The following GSE1 variants were observed in gnomAD, a reference collection of about 807,000 sequenced individuals.
GSE1 encodes Gse1 coiled-coil protein.
GSE1 carries 32 observed loss-of-function variants against 112.6 expected under a neutral mutation model. That is an observed-to-expected ratio of 0.28 (90% CI 0.21 to 0.38). The LOEUF (loss-of-function observed/expected upper bound fraction) is 0.38, where lower values mean the gene tolerates loss of function less well. Among genes scored for constraint, GSE1 ranks in the 10% least tolerant of loss-of-function variants. The pLI, the probability that GSE1 is intolerant of heterozygous loss-of-function variation, is 1.00. For missense variants in GSE1, 2,348 were observed against 1,699.2 expected (o/e 1.38, Z -6.71); for synonymous variants, 1,115 against 735.6 (o/e 1.52, Z -8.35).
At chr16:85,399,354 G>A (rs1357819352) in intron 2 of GSE1, among the ~76,000 whole-genome samples, 1 of 152,108 alleles carries the variant, frequency 6.6e-6, no homozygotes, top group Admixed American at 6.5e-5. Context: ...CTTCCGGGGG[G>A]GTTCAGTCCA....
At chr16:85,185,104 T>C (rs1353356428) in intron 1 of GSE1, 1 of 152,272 alleles carries the variant, frequency 6.6e-6, no homozygotes, top group African/African-American at 2.4e-5. Context: ...CATTCGTGGT[T>C]GTTTTGTCTT....
Position 85,455,404 on chromosome 16 carries a change from A to AG in GSE1, c.2464+97761_2464+97762insG, listed in dbSNP as rs376504077. Among the ~76,000 whole-genome samples the AG allele has an allele frequency of 7.6e-3, 1,157 of 151,752 alleles. 13 individuals are homozygous for AG. Among genetic ancestry groups the AG allele is most frequent in the African/African-American group, 0.027 (1,104 of 41,220 alleles). ...AAAAGAGAGAGAGAGAGAGAGAGAGAAAGAAAGAAAAGAAAAGAAAAGAAA... is the reference window on the plus strand; with the variant it reads ...AAAAGAGAGAGAGAGAGAGAGAGAGAGAAGAAAGAAAAGAAAAGAAAAGAAA... On this transcript the variant is annotated intron_variant, in intron 2 of 2. Coordinates refer to the GSE1 transcript ENST00000637419.
intron 12 of GSE1, among the ~76,000 whole-genome samples, chr16:85,665,497 C>T (rs1433255250): frequency 6.6e-6 from 1 of 152,248 alleles, no homozygotes; most frequent in Admixed American, 6.5e-5. Context: ...CCTGGTCCTG[C>T]CACTAGCCTA....
chr16:85,627,649 G>A (rs1215401399), intron 1 of GSE1, among the ~76,000 whole-genome samples: 1 of 152,142 alleles, frequency 6.6e-6, no homozygotes, highest in East Asian at 1.9e-4. Flanking sequence ...AAGAGAGCTT[G>A]TACAGTGCGG....
At chr16:85,280,684 C>T (rs2044831627) in intron 1 of GSE1, among the ~76,000 whole-genome samples, 1 of 152,222 alleles carries the variant, frequency 6.6e-6, no homozygotes, top group Non-Finnish European at 1.5e-5. Context: ...GCGTGAGCCA[C>T]AGCACCCGGC....
chr16:85,258,683 G>T (rs893283531), intron 1 of GSE1, among the ~76,000 whole-genome samples: 12 of 152,196 alleles, frequency 7.9e-5, no homozygotes, highest in African/African-American at 2.9e-4. Context: ...GCCTGGAGGG[G>T]TTCCCAGATG....
At chr16:85,247,207 T>C (rs1905952800) in intron 1 of GSE1, among the ~76,000 whole-genome samples, 1 of 152,198 alleles carries the variant, frequency 6.6e-6, no homozygotes, top group Non-Finnish European at 1.5e-5. Flanking sequence ...ACGGGCTGGA[T>C]GCTCTGAATG....
At chr16:85,472,596 G>A (rs2050328949) in intron 2 of GSE1, among the ~76,000 whole-genome samples, 1 of 152,220 alleles carries the variant, frequency 6.6e-6, no homozygotes, top group Admixed American at 6.5e-5. Flanking sequence ...CATTATGGGA[G>A]GCATAGCGCA....
chr16:85,309,786 G>A (rs1427081758), intron 1 of GSE1, among the ~76,000 whole-genome samples: 4 of 152,248 alleles, frequency 2.6e-5, no homozygotes, highest in African/African-American at 9.6e-5. Flanking sequence ...GGGCCGGCTG[G>A]CGGCCTGGGG....
intron 2 of GSE1, among the ~76,000 whole-genome samples, chr16:85,377,798 G>A (rs539217180): frequency 1.3e-5 from 2 of 152,332 alleles, no homozygotes; most frequent in African/African-American, 4.8e-5. Flanking sequence ...GGCTCCCTGC[G>A]GGTGGCCTTC....
intron 1 of GSE1, among the ~76,000 whole-genome samples, chr16:85,265,807 C>T (rs892739920): frequency 3.9e-5 from 6 of 152,050 alleles, no homozygotes; most frequent in African/African-American, 9.7e-5. Flanking sequence ...GCTTGTGTGA[C>T]GTAGATGATT....
Position 85,480,186 on chromosome 16 carries a change from C to T in GSE1, c.2464+122543C>T, listed in dbSNP as rs554362358. Among the ~76,000 whole-genome samples, 26 of 152,364 alleles carry T rather than the reference C, an allele frequency of 1.7e-4. No individual in the cohort carries two copies. In the South Asian group the frequency reaches 1.9e-3, roughly 11 times the overall value. ...CCAGGGTCATCGGCCTCAAGGGCCC[C>T]AGCCAGGAGTAAGACTCAGGCAGTT... On this transcript the variant is annotated intron_variant, in intron 2 of 2. Coordinates refer to the GSE1 transcript ENST00000637419.
At chr16:85,249,468 C>A (rs1906217076) in intron 1 of GSE1, among the ~76,000 whole-genome samples, 1 of 152,222 alleles carries the variant, frequency 6.6e-6, no homozygotes, top group Admixed American at 6.5e-5. Flanking sequence ...AGACTGGGAC[C>A]CTGAGTGGCA....
chr16:85,345,716 T>C (rs996656452), intron 1 of GSE1, among the ~76,000 whole-genome samples: 1 of 152,222 alleles, frequency 6.6e-6, no homozygotes, highest in African/African-American at 2.4e-5. Context: ...TTATTCATAC[T>C]CATGTTAAAA....
At chr16:85,630,831 G>T (rs184663695) in intron 1 of GSE1, among the ~76,000 whole-genome samples, 299 of 152,264 alleles carry the variant, frequency 2.0e-3, no homozygotes, top group African/African-American at 6.9e-3. Flanking sequence ...TCCTGGTCTC[G>T]GTTTCCCCAT....
At chr16:85,519,817 A>T in intron 2 of GSE1, among the ~76,000 whole-genome samples, 1 of 152,230 alleles carries the variant, frequency 6.6e-6, no homozygotes, top group Non-Finnish European at 1.5e-5. Flanking sequence ...TGTCATCGTC[A>T]TTCATGGCTA....
chr16:85,639,990 C>T (rs2050311875), intron 2 of GSE1, among the ~76,000 whole-genome samples: 1 of 152,210 alleles, frequency 6.6e-6, no homozygotes, highest in African/African-American at 2.4e-5. Context: ...GGCGATCGTG[C>T]TGCGGGCCTT....
rs562099926 is a variant in GSE1 at position 85,652,054 on chromosome 16, G to A, written c.427-2224G>A. 9.7e-4 allele frequency among the ~76,000 whole-genome samples: 148 copies of A among 152,336 alleles called. 1 individual carries two copies. The highest frequency in any genetic ancestry group is 3.1e-3 in the African/African-American group (130 of 41,576). ...CTGGAAATAGCCTCACGGGGCTGGG[G>A]TAGGCAGGCCAGCCTGGCAACACAC... On this transcript the variant is annotated intron_variant, in intron 3 of 15. Transcript: ENST00000253458.
chr16:85,225,849 C>A (rs2075475968), intron 1 of GSE1, among the ~76,000 whole-genome samples: 1 of 152,182 alleles, frequency 6.6e-6, no homozygotes, highest in South Asian at 2.1e-4. Context: ...AATTAAGGAG[C>A]AGCTTAGCTG....
Sources: allele counts gnomAD v4.1 joint callset (sites outside exome capture counted in the v4.1 genomes callset), GRCh38; gene constraint gnomAD v4.1.1; transcripts MANE v1.5; gene names NCBI Gene and HGNC (gene_info 2026-07-23, HGNC 2026-07-21).